TMPPE: variants seen among roughly 807,000 people sequenced by gnomAD.
TMPPE encodes the protein transmembrane protein with metallophosphoesterase domain.
In TMPPE, 16 loss-of-function variants were observed where a neutral mutation model predicts 22.6. The observed-to-expected ratio is 0.71, with a 90% CI of 0.48 to 1.08. The LOEUF (loss-of-function observed/expected upper bound fraction) is 1.08. TMPPE is among the 50% of genes least tolerant of loss of function. The pLI, the probability that TMPPE is intolerant of heterozygous loss-of-function variation, is 0.00. For synonymous variants in TMPPE, 240 were observed against 245.3 expected (o/e 0.98, Z 0.20); for missense variants, 526 against 584.3 (o/e 0.90, Z 1.03).
At chr3:33,096,020 TGTACCACTTTTCTCTGCCCTAG>T (rs1294071134) in intron 1 of TMPPE, among the ~76,000 whole-genome samples, 1 of 152,222 alleles carries the variant, frequency 6.6e-6, no homozygotes, top group Non-Finnish European at 1.5e-5. Flanking sequence ...TGTAGATAAA[TGTACCACTTTTCTCTGCCCTAG>T]GCACGTTATT....
At chr3:33,096,482 C>CG (rs1300300774) in intron 1 of TMPPE, 3 of 984,884 alleles carry the variant, frequency 3.0e-6, no homozygotes, top group Non-Finnish European at 3.6e-6. Context: ...GGGCAGGCGA[C>CG]GGGGAGTGGT....
At position 33,091,792 on chromosome 3, in the gene TMPPE, A is replaced by T. The variant is rs992311436; in HGVS notation, c.*1042T>A. ...CCATTGGAGGAAGACTTTCCATCAC[A>T]AGCCTAAATCACCCAGCAGGAAACC... On this transcript the variant is annotated 3_prime_UTR_variant, in exon 2 of 2. Coordinates refer to ENST00000342462, the MANE Select transcript of TMPPE (RefSeq NM_001039770.3). The T allele has an allele frequency of 2.0e-6, 2 of 985,484 alleles. No individual in the cohort carries two copies. The highest frequency in any genetic ancestry group is 4.7e-5 in the South Asian group (1 of 21,280). The allele number at this position is 985,484 out of a possible 1,614,324, so 61.0% of individuals were successfully genotyped here.
In TMPPE at chr3:33,093,121, T is replaced by G; in HGVS notation, c.1075A>C (p.Ser359Arg). 1.9e-6 allele frequency: 3 copies of G among 1,614,208 alleles called. No homozygotes were observed. Among genetic ancestry groups the G allele is most frequent in the Non-Finnish European group, 2.5e-6 (3 of 1,180,038 alleles). ...AGCAAGATGATTGTGTGGTCTGGGC[T>G]GCAGCCCTCCAGGGCCTTGTCAAGA... ...MDLDKALEGC[S>R]PDHTIILLAH... The change falls in exon 2 of 2, where the codon AGC becomes CGC. Residue 359 changes from serine to arginine, a missense_variant. By Grantham distance (110) the Ser-to-Arg change is moderately radical. Transcript: ENST00000342462. The surrounding 1 kb of genome is among the most constrained non-coding windows in gnomAD (Gnocchi z 6.0).
Position 33,093,974 on chromosome 3 carries a change from G to A in TMPPE, c.222C>T (p.Ser74=). 6.2e-7 allele frequency: 1 copy of A among 1,614,200 alleles called. No individual in the cohort carries two copies. The highest frequency in any genetic ancestry group is 8.5e-7 in the Non-Finnish European group (1 of 1,180,028). ...WRSTVSNLCH[S]PAAESTCFQL... ...GAAAACAGGTTGACTCTGCAGCTGG[G>A]GAGTGGCAGAGGTTGCTCACTGTGC... is the stretch of plus-strand genomic sequence containing the variant. The change falls in exon 2 of 2, where the codon TCC becomes TCT. Residue 74 remains serine (S), a synonymous_variant. Transcript: ENST00000342462. The surrounding 1 kb of genome is among the most constrained non-coding windows in gnomAD (Gnocchi z 6.0).
intron 1 of TMPPE, among the ~76,000 whole-genome samples, chr3:33,094,659 C>A (rs971961853): frequency 6.2e-5 from 7 of 112,952 alleles, no homozygotes; most frequent in Non-Finnish European, 1.3e-4. Context: ...CCATTACTGC[C>A]TTTTCCATTC....
chr3:33,090,481 C>T lies in TMPPE; in HGVS notation c.*2353G>A. On this transcript the variant is annotated 3_prime_UTR_variant, in exon 2 of 2. Coordinates refer to ENST00000342462, the MANE Select transcript of TMPPE (RefSeq NM_001039770.3). ...GATTTTGTGACAGCATCATATACTA[C>T]AGACACTATTGCTGATTTTCAAAAA... The T allele has an allele frequency of 4.1e-6, 4 of 985,392 alleles. No homozygotes were observed. Among genetic ancestry groups the T allele is most frequent in the Non-Finnish European group, 4.8e-6 (4 of 829,906 alleles). The allele number at this position is 985,392 out of a possible 1,614,324, so 61.0% of individuals were successfully genotyped here. A position where few individuals can be genotyped will look rare whatever the true frequency, so the allele number is the denominator to read the frequency against.
Position 33,096,625 on chromosome 3 carries a change from G to T in TMPPE, c.-109+94C>A, listed in dbSNP as rs1479390633. On this transcript the variant is annotated intron_variant, in intron 1 of 1. Coordinates refer to ENST00000342462, the MANE Select transcript of TMPPE (RefSeq NM_001039770.3). The stretch of plus-strand genomic sequence containing the variant: ...TCCGCAGAGCACCAACTGGGAAAGC[G>T]AGGGCGCCCCAAACCAGAGCCGGAG... 6 of 1,066,282 alleles carry T rather than the reference G, an allele frequency of 5.6e-6. No homozygotes were observed. The East Asian group carries it at 5.2e-4, about 93-fold the overall frequency. 66.1% of individuals were successfully genotyped at this position (1,066,282 alleles called of 1,614,324 possible).
intron 1 of TMPPE, 136 bp from the exon 2 acceptor site, chr3:33,094,439 A>C (rs913920992): frequency 4.6e-6 from 5 of 1,085,290 alleles, no homozygotes; most frequent in Admixed American, 3.7e-5. Flanking sequence ...TGCTAGCTAT[A>C]CTTTATTATT....
Position 33,093,212 on chromosome 3 carries a change from C to A in TMPPE, c.984G>T (p.Trp328Cys). 1 of 1,613,822 alleles carries A rather than the reference C, an allele frequency of 6.2e-7. No individual in the cohort carries two copies. Among genetic ancestry groups the A allele is most frequent in the South Asian group, 1.1e-5 (1 of 91,048 alleles). Reference protein sequence around the residue: ...GSGSGSEDEDWICLAGVDDIE... With the variant: ...GSGSGSEDEDCICLAGVDDIE... The stretch of plus-strand genomic sequence containing the variant: ...TATCGTCCACCCCAGCCAAGCAGAT[C>A]CAGTCCTCATCCTCACTCCCACTGC... The change falls in exon 2 of 2, where the codon TGG (tryptophan) becomes TGT (cysteine). Residue 328 changes from tryptophan (W) to cysteine (C), a missense_variant. Transcript: ENST00000342462. The surrounding 1 kb of genome is among the most constrained non-coding windows in gnomAD (Gnocchi z 6.0).
chr3:33,096,527 C>T (rs1701035558), intron 1 of TMPPE, 192 bp downstream of exon 1: 1 of 985,302 alleles, frequency 1.0e-6, no homozygotes, highest in Non-Finnish European at 1.2e-6. Context: ...AGGGAGAGCA[C>T]CCAGAGGGGA....
rs1700826878 is a variant in TMPPE, at chr3:33,092,878, T to C, written c.1318A>G (p.Ser440Gly). 3.1e-6 allele frequency: 5 copies of C among 1,613,242 alleles called. No homozygotes were observed. Among genetic ancestry groups the C allele is most frequent in the African/African-American group, 1.3e-5 (1 of 74,926 alleles). Residue 440 changes from serine (S) to glycine (G), a missense_variant, in exon 2 of 2, where the codon AGC (serine) becomes GGC (glycine). Physicochemically the swap from Ser to Gly is moderately conservative, Grantham distance 56. Transcript: ENST00000342462. The part of the protein sequence containing the change: ...AYYGIPMRLG[S>G]RAEITELILQ... ...ATGAGCTCTGTGATCTCGGCCCTGC[T>C]ACCCAGCCTCATGGGTATCCCGTAG...
rs548394890 is a variant in TMPPE at position 33,090,509 on chromosome 3, A to G, written c.*2325T>C. 32 of 985,470 alleles carry G rather than the reference A, an allele frequency of 3.2e-5. No individual in the cohort carries two copies. The highest frequency in any genetic ancestry group is 2.3e-4 in the South Asian group (5 of 21,290). The allele number at this position is 985,470 out of a possible 1,614,324, so 61.0% of individuals were successfully genotyped here. A position where few individuals can be genotyped will look rare whatever the true frequency, so the allele number is the denominator to read the frequency against. On this transcript the variant is annotated 3_prime_UTR_variant, in exon 2 of 2. Transcript: ENST00000342462. Reference sequence around the variant, plus strand: ...ACACTATTGCTGATTTTCAAAAAGCATTGCATTTCAATTTGCATCTAACAG... The same window carrying G: ...ACACTATTGCTGATTTTCAAAAAGCGTTGCATTTCAATTTGCATCTAACAG...
At chr3:33,094,966 T>C (rs1048344973) in intron 1 of TMPPE, among the ~76,000 whole-genome samples, 1 of 152,178 alleles carries the variant, frequency 6.6e-6, no homozygotes, top group Admixed American at 6.5e-5. Flanking sequence ...ATTCCAGCAC[T>C]TTGGGAGGCC....
rs974648259 is a variant in TMPPE at position 33,092,779 on chromosome 3, C to A, written c.*55G>T. 6.5e-7 allele frequency: 1 copy of A among 1,530,134 alleles called. No homozygotes were observed. 94.8% of individuals were successfully genotyped at this position (1,530,134 alleles called of 1,614,324 possible). A position where few individuals can be genotyped will look rare whatever the true frequency, so the allele number is the denominator to read the frequency against. On this transcript the variant is annotated 3_prime_UTR_variant, in exon 2 of 2. Coordinates refer to ENST00000342462, the MANE Select transcript of TMPPE (RefSeq NM_001039770.3). ...GAAAAGCAGGCAAACCACTCTGAAG[C>A]AGGATGGAGGGTCGAGGACAAGGGC...
intron 1 of TMPPE, among the ~76,000 whole-genome samples, chr3:33,094,582 A>C (rs995563127): frequency 2.0e-5 from 3 of 152,222 alleles, no homozygotes; most frequent in Non-Finnish European, 2.9e-5. Flanking sequence ...GCGGTATTCA[A>C]AGTGTGGTCT....
At position 33,092,010 on chromosome 3, in the gene TMPPE, G is replaced by T; in HGVS notation, c.*824C>A. Reference sequence around the variant, plus strand: ...CCTGTGCCCTATCTCTCTTTGCCTTGGTTTCCTTATCTCCAAATAGGGAAA... The same window carrying T: ...CCTGTGCCCTATCTCTCTTTGCCTTTGTTTCCTTATCTCCAAATAGGGAAA... On this transcript the variant is annotated 3_prime_UTR_variant, in exon 2 of 2. Coordinates refer to ENST00000342462, the MANE Select transcript of TMPPE (RefSeq NM_001039770.3). 1.0e-6 allele frequency: 1 copy of T among 984,038 alleles called. No homozygotes were observed. The highest frequency in any genetic ancestry group is 1.7e-5 in the African/African-American group (1 of 57,276). 61.0% of individuals were successfully genotyped at this position (984,038 alleles called of 1,614,324 possible).
chr3:33,091,277 G>A lies in TMPPE; in HGVS notation c.*1557C>T. 2.0e-6 allele frequency: 2 copies of A among 985,460 alleles called. No homozygotes were observed. The highest frequency in any genetic ancestry group is 2.4e-6 in the Non-Finnish European group (2 of 829,990). The allele number at this position is 985,460 out of a possible 1,614,324, so 61.0% of individuals were successfully genotyped here. ...CACTGTCAATACCGTGGCTGCCTGG[G>A]AACAAAAAGGGTGGTCTCCAGATCC... is the stretch of plus-strand genomic sequence containing the variant. On this transcript the variant is annotated 3_prime_UTR_variant, in exon 2 of 2. Coordinates refer to ENST00000342462, the MANE Select transcript of TMPPE (RefSeq NM_001039770.3).
chr3:33,096,775 G>A lies in TMPPE; in HGVS notation c.-165C>T. ...GTGGATCCAAGCGCAAAGGGCGGCC[G>A]GAGCGGAACGCACAAGCGACCGAGC... On this transcript the variant is annotated 5_prime_UTR_variant, in exon 1 of 2. Coordinates refer to ENST00000342462, the MANE Select transcript of TMPPE (RefSeq NM_001039770.3). The A allele has an allele frequency of 3.8e-6, 5 of 1,327,698 alleles. No homozygotes were observed. Among genetic ancestry groups the A allele is most frequent in the Non-Finnish European group, 3.8e-6 (4 of 1,043,118 alleles). The allele number at this position is 1,327,698 out of a possible 1,614,324, so 82.2% of individuals were successfully genotyped here. A position where few individuals can be genotyped will look rare whatever the true frequency, so the allele number is the denominator to read the frequency against.
At position 33,092,808 on chromosome 3, in the gene TMPPE, G is replaced by A; in HGVS notation, c.*26C>T. ...ATGGAGGGTCGAGGACAAGGGCAGG[G>A]CAGAGGTGCACAGGGCAGGGCCAGT... On this transcript the variant is annotated 3_prime_UTR_variant, in exon 2 of 2. Transcript: ENST00000342462. The A allele has an allele frequency of 6.4e-7, 1 of 1,566,510 alleles. No individual in the cohort carries two copies. Among genetic ancestry groups the A allele is most frequent in the Non-Finnish European group, 8.7e-7 (1 of 1,154,292 alleles).
Sources: gnomAD v4.1 joint callset for allele counts (sites outside exome capture counted in the v4.1 genomes callset) on GRCh38, gnomAD v4.1.1 for gene constraint, Gnocchi (gnomAD v3.1) non-coding constraint, MANE v1.5 for transcripts, NCBI Gene and HGNC (gene_info 2026-07-23, HGNC 2026-07-21) for gene names.